The following PTPRM variants were observed in gnomAD, a reference collection of about 807,000 sequenced individuals.
The protein encoded by PTPRM is protein tyrosine phosphatase receptor type M, also known as receptor-type tyrosine-protein phosphatase mu.
In PTPRM, 47 loss-of-function variants were observed where a neutral mutation model predicts 186.7. The ratio of observed to expected loss-of-function variants is 0.25; its 90% CI spans 0.20 to 0.32. The LOEUF (loss-of-function observed/expected upper bound fraction) is 0.32, where lower values mean the gene tolerates loss of function less well. Among genes scored for constraint, PTPRM ranks in the 10% least tolerant of loss-of-function variants. The pLI, the probability that PTPRM is intolerant of heterozygous loss-of-function variation, is 1.00. For synonymous variants in PTPRM, 668 were observed against 674.9 expected (o/e 0.99, Z 0.16); for missense variants, 1,494 against 1,865.0 (o/e 0.80, Z 3.66).
At chr18:8,147,164 G>C (rs1195118343) in intron 14 of PTPRM, among the ~76,000 whole-genome samples, 1 of 152,168 alleles carries the variant, frequency 6.6e-6, no homozygotes, top group Non-Finnish European at 1.5e-5. Flanking sequence ...AGTTAAAGTA[G>C]TTTTTTCCAA....
rs533070699 is a variant in PTPRM, at chr18:7,937,136, G to A, written c.663+10453G>A. ...CTTCCTAGACACAGGACAAGAACTC[G>A]GGACCCACCAAATGGCAGGGCTGCA... On this transcript the variant is annotated intron_variant, in intron 5 of 32. Coordinates refer to ENST00000580170, the MANE Select transcript of PTPRM (RefSeq NM_001105244.2). 3.3e-5 allele frequency among the ~76,000 whole-genome samples: 5 copies of A among 152,230 alleles called. No homozygotes were observed. The East Asian group carries it at 9.7e-4, about 30-fold the overall frequency.
intron 1 of PTPRM, among the ~76,000 whole-genome samples, chr18:7,691,296 C>T (rs1490743701): frequency 1.3e-5 from 2 of 152,116 alleles, no homozygotes; most frequent in Non-Finnish European, 2.9e-5. Flanking sequence ...AAACCTGAAT[C>T]ATATTATATG....
intron 2 of PTPRM, among the ~76,000 whole-genome samples, chr18:7,825,485 G>A (rs2045436433): frequency 6.6e-6 from 1 of 152,128 alleles, no homozygotes; most frequent in Non-Finnish European, 1.5e-5. Context: ...GAAAAGCTGA[G>A]GATATAGCCA....
At chr18:7,701,624 A>T (rs1331274345) in intron 1 of PTPRM, among the ~76,000 whole-genome samples, 2 of 152,064 alleles carry the variant, frequency 1.3e-5, no homozygotes, top group Admixed American at 1.3e-4. Flanking sequence ...ATAATAAAGC[A>T]TATTGAGGAG....
chr18:8,370,813 C>A, intron 23 of PTPRM, 77 bp from the exon 24 acceptor site: 1 of 785,088 alleles, frequency 1.3e-6, no homozygotes, highest in Non-Finnish European at 2.1e-6. Context: ...TCCTATAAAT[C>A]ATAGTGTGAC....
intron 2 of PTPRM, among the ~76,000 whole-genome samples, chr18:7,837,088 T>C (rs1164204524): frequency 6.6e-6 from 1 of 152,202 alleles, no homozygotes; most frequent in African/African-American, 2.4e-5. Context: ...CCCGGTCTCT[T>C]TCTCTACCTC....
chr18:8,302,482 C>T (rs1434048669), intron 20 of PTPRM, among the ~76,000 whole-genome samples: 3 of 151,742 alleles, frequency 2.0e-5, no homozygotes, highest in Non-Finnish European at 4.4e-5. Context: ...ACGGAAACTT[C>T]ATTAAAGGGG....
chr18:8,223,022 G>C (rs977817954), intron 14 of PTPRM, among the ~76,000 whole-genome samples: 3 of 152,042 alleles, frequency 2.0e-5, no homozygotes, highest in Non-Finnish European at 4.4e-5. Context: ...TCAGGAGTTC[G>C]AGACCAGCCT....
At chr18:7,612,421 C>A (rs2037698838) in intron 1 of PTPRM, among the ~76,000 whole-genome samples, 1 of 152,130 alleles carries the variant, frequency 6.6e-6, no homozygotes, top group South Asian at 2.1e-4. Context: ...ATTCCTCATG[C>A]CGATTTCTTC....
chr18:7,820,340 G>A (rs1473237215), intron 2 of PTPRM, among the ~76,000 whole-genome samples: 1 of 152,076 alleles, frequency 6.6e-6, no homozygotes, highest in Admixed American at 6.5e-5. Context: ...AAATAACTAG[G>A]TTCAAGCTGC....
At chr18:7,666,228 T>C (rs1051678953) in intron 1 of PTPRM, among the ~76,000 whole-genome samples, 1 of 152,228 alleles carries the variant, frequency 6.6e-6, no homozygotes, top group East Asian at 1.9e-4. Flanking sequence ...TTTCCCACTT[T>C]CTCTGTTCCC....
At chr18:7,862,366 T>C (rs1201452610) in intron 2 of PTPRM, among the ~76,000 whole-genome samples, 1 of 152,212 alleles carries the variant, frequency 6.6e-6, no homozygotes, top group Non-Finnish European at 1.5e-5. Flanking sequence ...ATACTGCTAA[T>C]AAAATTGTGC....
chr18:7,646,621 T>C (rs952084041), intron 1 of PTPRM, among the ~76,000 whole-genome samples: 1 of 152,146 alleles, frequency 6.6e-6, no homozygotes, highest in Non-Finnish European at 1.5e-5. Context: ...TGCATTTCAT[T>C]ATACCCATTT....
At chr18:8,217,134 C>T (rs1261253281) in intron 14 of PTPRM, among the ~76,000 whole-genome samples, 1 of 152,232 alleles carries the variant, frequency 6.6e-6, no homozygotes, top group Non-Finnish European at 1.5e-5. Context: ...TAAGTTGGAA[C>T]ATGCTGGCTT....
At chr18:7,731,726 A>G (rs1029694094) in intron 1 of PTPRM, among the ~76,000 whole-genome samples, 1 of 152,204 alleles carries the variant, frequency 6.6e-6, no homozygotes, top group African/African-American at 2.4e-5. Context: ...GAGAGGGGAA[A>G]GATAACCATG....
intron 20 of PTPRM, among the ~76,000 whole-genome samples, chr18:8,311,443 G>T (rs192846904): frequency 5.7e-4 from 87 of 152,260 alleles, no homozygotes; most frequent in African/African-American, 1.7e-3. Flanking sequence ...TGTGTATTAG[G>T]CAGGGCCCCA....
At chr18:8,392,357 G>T (rs1442193669) in intron 31 of PTPRM, among the ~76,000 whole-genome samples, 1 of 152,106 alleles carries the variant, frequency 6.6e-6, no homozygotes, top group Non-Finnish European at 1.5e-5. Flanking sequence ...GGGCGCGGTG[G>T]CTCACACCTG....
chr18:8,056,992 A>G (rs889720429), intron 7 of PTPRM, among the ~76,000 whole-genome samples: 3 of 151,900 alleles, frequency 2.0e-5, no homozygotes, highest in African/African-American at 7.3e-5. Context: ...AGTAAACTGT[A>G]TTTTATTTAT....
chr18:8,192,899 A>G (rs1430073767), intron 14 of PTPRM, among the ~76,000 whole-genome samples: 1 of 152,200 alleles, frequency 6.6e-6, no homozygotes, highest in Non-Finnish European at 1.5e-5. Flanking sequence ...CTAGTAGTCA[A>G]CACCTTGCTC....
Sources: gnomAD v4.1 joint callset for allele counts (sites outside exome capture counted in the v4.1 genomes callset) on GRCh38, gnomAD v4.1.1 for gene constraint, MANE v1.5 for transcripts, NCBI Gene and HGNC (gene_info 2026-07-23, HGNC 2026-07-21) for gene names.